Variants in MSH3 observed in about 807,000 individuals in gnomAD.
The protein encoded by MSH3 is mutS homolog 3.
MSH3 carries 106 observed loss-of-function variants against 123.3 expected under a neutral mutation model. The observed-to-expected ratio is 0.86, with a 90% CI of 0.73 to 1.01. The LOEUF is 1.01. Ranked by LOEUF, MSH3 falls within the 50% of genes least tolerant of loss-of-function variation. The pLI is 0.00. For missense variants in MSH3, 1,459 were observed against 1,347.6 expected (o/e 1.08, Z -1.29); for synonymous variants, 515 against 481.4 (o/e 1.07, Z -0.91).
chr5:80,704,678 A>G (rs1297190345), intron 8 of MSH3, among the ~76,000 whole-genome samples: 1 of 152,236 alleles, frequency 6.6e-6, no homozygotes, highest in Non-Finnish European at 1.5e-5. Context: ...TTCACTTTGC[A>G]AACTTTTAGA....
intron 12 of MSH3, among the ~76,000 whole-genome samples, chr5:80,748,691 TACACACACACACAC>T (rs36206914): frequency 0.12 from 17,096 of 147,258 alleles, 1,332 homozygotes; most frequent in East Asian, 0.31. Context: ...ATTTTTTATT[TACACACACACACAC>T]ACACACACAC....
intron 6 of MSH3, among the ~76,000 whole-genome samples, chr5:80,673,952 TATTTC>T (rs1749777510): frequency 6.6e-6 from 1 of 152,314 alleles, no homozygotes; most frequent in East Asian, 1.9e-4. Context: ...GTGAAAGTAT[TATTTC>T]TGTTATGGTT....
chr5:80,832,872 C>T (rs1745444027), intron 20 of MSH3, among the ~76,000 whole-genome samples: 1 of 151,930 alleles, frequency 6.6e-6, no homozygotes, highest in African/African-American at 2.4e-5. Flanking sequence ...TCCTCTTTTC[C>T]TAATTGCAGT....
At chr5:80,790,502 A>G (rs1044840946) in intron 18 of MSH3, among the ~76,000 whole-genome samples, 1 of 152,044 alleles carries the variant, frequency 6.6e-6, no homozygotes, top group East Asian at 1.9e-4. Flanking sequence ...ACATTTTGTT[A>G]TTTCTTCATC....
At chr5:80,691,718 C>A (rs1580564182) in intron 8 of MSH3, among the ~76,000 whole-genome samples, 1 of 148,404 alleles carries the variant, frequency 6.7e-6, no homozygotes, top group Non-Finnish European at 1.5e-5. Flanking sequence ...TTTGCCCTAT[C>A]AAAACTCAAA....
chr5:80,757,725 T>C, intron 12 of MSH3, among the ~76,000 whole-genome samples: 1 of 152,156 alleles, frequency 6.6e-6, no homozygotes, highest in East Asian at 1.9e-4. Flanking sequence ...TGATGCTTCT[T>C]CCAGTTTTGT....
At position 80,768,981 on chromosome 5, in the gene MSH3, A is replaced by T. The variant is rs1228057455; in HGVS notation, c.2231A>T (p.Tyr744Phe). The change falls in exon 15 of 24, where the codon TAT becomes TTT. Residue 744 changes from tyrosine (Y) to phenylalanine (F), a missense_variant. Physicochemically the swap from Tyr to Phe is conservative, Grantham distance 22. Transcript: ENST00000265081. Reference protein sequence around the residue: ...RKILKNPSAQYVTVSGQEFMI... With the variant: ...RKILKNPSAQFVTVSGQEFMI... The stretch of plus-strand genomic sequence containing the variant: ...ATACTAAAAAATCCTTCTGCACAAT[A>T]TGTGACAGTATCAGGACAGGAGGTA... The T allele has an allele frequency of 5.0e-6, 8 of 1,612,968 alleles. No individual in the cohort carries two copies. The highest frequency in any genetic ancestry group is 6.8e-6 in the Non-Finnish European group (8 of 1,179,232).
At chr5:80,822,891 T>G (rs922335486) in intron 20 of MSH3, among the ~76,000 whole-genome samples, 1 of 152,242 alleles carries the variant, frequency 6.6e-6, no homozygotes, top group Non-Finnish European at 1.5e-5. Flanking sequence ...CTTAAGGAAC[T>G]GGCCCAATTG....
intron 2 of MSH3, among the ~76,000 whole-genome samples, chr5:80,658,753 G>A (rs1008783905): frequency 1.4e-4 from 21 of 149,962 alleles, no homozygotes; most frequent in Non-Finnish European, 2.5e-4. Context: ...CACCATGCCT[G>A]GCTAATTAAA....
intron 7 of MSH3, 58 bp from the exon 8 acceptor site, chr5:80,678,869 T>C (rs749392076): frequency 2.5e-6 from 4 of 1,579,892 alleles, no homozygotes; most frequent in Non-Finnish European, 2.6e-6. Context: ...TGCTGTGTTA[T>C]AGCCATAACT....
At chr5:80,737,382 G>T (rs1271131845) in intron 10 of MSH3, among the ~76,000 whole-genome samples, 1 of 151,872 alleles carries the variant, frequency 6.6e-6, no homozygotes, top group Admixed American at 6.6e-5. Flanking sequence ...TCTCTGTCCA[G>T]CTTTTGACAA....
At chr5:80,863,440 G>C (rs1006370860) in intron 21 of MSH3, among the ~76,000 whole-genome samples, 1 of 152,180 alleles carries the variant, frequency 6.6e-6, no homozygotes. Flanking sequence ...GGAGGCCAAG[G>C]TGGGTGGATC....
At chr5:80,668,852 G>A (rs1749630431) in intron 3 of MSH3, among the ~76,000 whole-genome samples, 1 of 152,212 alleles carries the variant, frequency 6.6e-6, no homozygotes, top group Admixed American at 6.5e-5. Context: ...AGCCACAGCT[G>A]TGCCCAGGGA....
At chr5:80,746,134 GAA>G (rs1743714768) in intron 12 of MSH3, among the ~76,000 whole-genome samples, 1 of 152,100 alleles carries the variant, frequency 6.6e-6, no homozygotes, top group African/African-American at 2.4e-5. Context: ...AAAGAAAAAA[GAA>G]ACTTGATCAT....
At chr5:80,765,826 A>G (rs1321166784) in intron 13 of MSH3, among the ~76,000 whole-genome samples, 1 of 152,106 alleles carries the variant, frequency 6.6e-6, no homozygotes, top group Non-Finnish European at 1.5e-5. Context: ...ATCCTCTAGA[A>G]CCTTCCTGAG....
intron 8 of MSH3, among the ~76,000 whole-genome samples, chr5:80,719,490 A>G (rs998466399): frequency 2.0e-5 from 3 of 152,212 alleles, no homozygotes; most frequent in Non-Finnish European, 4.4e-5. Flanking sequence ...TCAGTCTGAC[A>G]TCTATATCTC....
At chr5:80,716,299 T>G (rs1750958984) in intron 8 of MSH3, among the ~76,000 whole-genome samples, 1 of 152,262 alleles carries the variant, frequency 6.6e-6, no homozygotes, top group Admixed American at 6.5e-5. Context: ...AACTTTTATT[T>G]AGAGTAATTC....
chr5:80,753,141 A>G (rs1487719579), intron 12 of MSH3, among the ~76,000 whole-genome samples: 1 of 152,194 alleles, frequency 6.6e-6, no homozygotes, highest in Admixed American at 6.6e-5. Flanking sequence ...TACCATCATA[A>G]TCAGGTGAAA....
intron 21 of MSH3, 78 bp from the exon 22 acceptor site, chr5:80,864,735 A>C (rs6151918): frequency 2.9e-6 from 4 of 1,374,250 alleles, no homozygotes; most frequent in Non-Finnish European, 4.0e-6. Flanking sequence ...AAAATTTTTC[A>C]AAAGAAAGTG....
Sources: gnomAD v4.1 joint callset for allele counts (sites outside exome capture counted in the v4.1 genomes callset) on GRCh38, gnomAD v4.1.1 for gene constraint, MANE v1.5 for transcripts, NCBI Gene and HGNC (gene_info 2026-07-23, HGNC 2026-07-21) for gene names.